The following POU6F1 variants were observed in gnomAD, a reference collection of about 807,000 sequenced individuals.
POU6F1 encodes the protein POU domain, class 6, transcription factor 1.
POU6F1 carries 9 observed loss-of-function variants against 28.9 expected under a neutral mutation model. The observed-to-expected ratio is 0.31, with a 90% CI of 0.19 to 0.54. The LOEUF is 0.54. POU6F1 is among the 20% of genes least tolerant of loss of function. POU6F1 has a pLI of 0.94. For missense variants in POU6F1, 338 were observed against 426.1 expected, an observed-to-expected ratio of 0.79 and a Z score of 1.82; for synonymous variants, 173 against 171.1, an observed-to-expected ratio of 1.01 and a Z score of -0.09.
chr12:51,193,221 A>G (rs1424926591), intron 8 of POU6F1, among the ~76,000 whole-genome samples: 3 of 152,216 alleles, frequency 2.0e-5, no homozygotes, highest in Non-Finnish European at 4.4e-5. Context: ...CTCTCTACCA[A>G]GACAGACTGT....
chr12:51,207,408 G>A (rs1943702466), intron 1 of POU6F1: 2 of 152,186 alleles, frequency 1.3e-5, no homozygotes, highest in South Asian at 4.1e-4. Context: ...GGCTTAGGGT[G>A]AGGAGAGTAA....
intron 1 of POU6F1, among the ~76,000 whole-genome samples, chr12:51,208,952 C>T (rs1245894275): frequency 6.6e-6 from 1 of 152,052 alleles, no homozygotes; most frequent in African/African-American, 2.4e-5. Context: ...ATACTTTCAC[C>T]CTTTCGACTA....
chr12:51,206,423 AAAACAAAC>A (rs535303663), intron 2 of POU6F1, among the ~76,000 whole-genome samples: 30 of 151,386 alleles, frequency 2.0e-4, no homozygotes, highest in South Asian at 1.3e-3. Context: ...ACTCCATCTC[AAAACAAAC>A]AAACAAACAA....
In POU6F1 at chr12:51,189,857, T is replaced by C. The variant is rs1769241915; in HGVS notation, c.*390A>G. On this transcript the variant is annotated 3_prime_UTR_variant, in exon 11 of 11. Coordinates refer to ENST00000333640, the MANE Select transcript of POU6F1 (RefSeq NM_001330422.2). ...AGGAGAAGACAAGGTGGAAAGAGAA[T>C]GCCATCAAAAGCAAGAGCTAATGGC... 4.5e-6 allele frequency: 1 copy of C among 221,594 alleles called. No homozygotes were observed. Among genetic ancestry groups the C allele is most frequent in the African/African-American group, 2.2e-5 (1 of 44,500 alleles). The allele number at this position is 221,594 out of a possible 1,614,324, so 13.7% of individuals were successfully genotyped here. A position where few individuals can be genotyped will look rare whatever the true frequency, so the allele number is the denominator to read the frequency against.
chr12:51,203,233 T>C (rs1943346343), intron 3 of POU6F1, among the ~76,000 whole-genome samples: 1 of 152,150 alleles, frequency 6.6e-6, no homozygotes, highest in Non-Finnish European at 1.5e-5. Context: ...AAATGAGATA[T>C]GAAGATGGAT....
intron 3 of POU6F1, among the ~76,000 whole-genome samples, chr12:51,203,618 G>C (rs1039602569): frequency 2.6e-5 from 4 of 152,184 alleles, no homozygotes; most frequent in African/African-American, 7.2e-5. Context: ...TTGCTTTTCG[G>C]AAGTTTGCGT....
chr12:51,200,838 C>G (rs1375622332), intron 3 of POU6F1, among the ~76,000 whole-genome samples: 1 of 152,108 alleles, frequency 6.6e-6, no homozygotes, highest in African/African-American at 2.4e-5. Flanking sequence ...CAGGCGCATA[C>G]CACCACGCCT....
rs1405594727 is a variant in POU6F1 at position 51,217,900 on chromosome 12, G to A, written c.-306C>T. 6.6e-6 allele frequency among the ~76,000 whole-genome samples: 1 copy of A among 151,996 alleles called. No individual in the cohort carries two copies. Among genetic ancestry groups the A allele is most frequent in the East Asian group, 1.9e-4 (1 of 5,142 alleles). Reference sequence around the variant, plus strand: ...CGCAGGCTAAGCCGGGCGGAGAGGGGACGGCCGGGAAGCGGGAAGGGGAAG... The same window carrying A: ...CGCAGGCTAAGCCGGGCGGAGAGGGAACGGCCGGGAAGCGGGAAGGGGAAG... On this transcript the variant is annotated 5_prime_UTR_variant, in exon 1 of 11. Coordinates refer to ENST00000333640, the MANE Select transcript of POU6F1 (RefSeq NM_001330422.2). This position sits in a 1 kb window ranked among gnomAD's most constrained non-coding sequence, Gnocchi z 5.3.
chr12:51,190,012 C>T lies in POU6F1; in HGVS notation c.*235G>A, dbSNP rs146938447. 393 of 666,478 alleles carry T rather than the reference C, an allele frequency of 5.9e-4. 1 individual carries two copies. Among genetic ancestry groups the T allele is most frequent in the African/African-American group, 5.6e-3 (309 of 55,214 alleles). The allele number at this position is 666,478 out of a possible 1,614,324, so 41.3% of individuals were successfully genotyped here. A position where few individuals can be genotyped will look rare whatever the true frequency, so the allele number is the denominator to read the frequency against. On this transcript the variant is annotated 3_prime_UTR_variant, in exon 11 of 11. Transcript: ENST00000333640. This position sits in a 1 kb window ranked among gnomAD's most constrained non-coding sequence, Gnocchi z 4.5. ...AAGTGACGTCACAAATCCTCTTCTT[C>T]GGAGTGACCAGCCCAGAGCCTGGAG...
rs1942406716 is a variant in POU6F1, at chr12:51,191,517, G to T, written c.1490+79C>A. Reference sequence around the variant, plus strand: ...AAGGGGGCATATGGAAAAGGGGCCGGTGCTCAGGTTCCCATGAGTGCCCGG... The same window carrying T: ...AAGGGGGCATATGGAAAAGGGGCCGTTGCTCAGGTTCCCATGAGTGCCCGG... On this transcript the variant is annotated intron_variant, in intron 10 of 10. Coordinates refer to ENST00000333640, the MANE Select transcript of POU6F1 (RefSeq NM_001330422.2). 8 of 1,507,940 alleles carry T rather than the reference G, an allele frequency of 5.3e-6. No individual in the cohort carries two copies. The South Asian group carries it at 9.8e-5, about 18-fold the overall frequency. The allele number at this position is 1,507,940 out of a possible 1,614,324, so 93.4% of individuals were successfully genotyped here.
At position 51,199,986 on chromosome 12, in the gene POU6F1, G is replaced by A. The variant is rs1050838507; in HGVS notation, c.245-118C>T. 1.3e-5 allele frequency: 5 copies of A among 398,406 alleles called. No individual in the cohort carries two copies. Among genetic ancestry groups the A allele is most frequent in the African/African-American group, 4.1e-5 (2 of 48,632 alleles). The allele number at this position is 398,406 out of a possible 1,614,324, so 24.7% of individuals were successfully genotyped here. ...CTGAAGCGGGGACCCTCAGCCCCATGCTGCATTGCTACATAGCCCAAGACC... is the reference window on the plus strand; with the variant it reads ...CTGAAGCGGGGACCCTCAGCCCCATACTGCATTGCTACATAGCCCAAGACC... On this transcript the variant is annotated intron_variant, in intron 3 of 10. Transcript: ENST00000333640. The surrounding 1 kb of genome is among the most constrained non-coding windows in gnomAD (Gnocchi z 4.1).
intron 1 of POU6F1, among the ~76,000 whole-genome samples, chr12:51,211,346 CCA>C (rs1943972273): frequency 6.6e-6 from 1 of 152,190 alleles, no homozygotes; most frequent in Non-Finnish European, 1.5e-5. Context: ...CCTTCTTTCT[CCA>C]GTGAGTTGAC....
At chr12:51,198,305 G>T (rs568654260) in intron 5 of POU6F1, 3 of 396,820 alleles carry the variant, frequency 7.6e-6, no homozygotes, top group Admixed American at 4.4e-5. Flanking sequence ...GGCGTGGGGG[G>T]AGAGGGGCAG....
Position 51,190,603 on chromosome 12 carries a change from C to A in POU6F1, c.1491-11G>T, listed in dbSNP as rs766337086. 1 of 1,609,886 alleles carries A rather than the reference C, an allele frequency of 6.2e-7. No homozygotes were observed. Among genetic ancestry groups the A allele is most frequent in the Non-Finnish European group, 8.5e-7 (1 of 1,177,308 alleles). ...TCTAGCTTCTCGAACCTGTGGGCAA[C>A]CCATACCCAGGAAGAGGCAGTGAGA... On this transcript the variant is annotated splice_polypyrimidine_tract_variant and intron_variant, in intron 10 of 10. Transcript: ENST00000333640. The surrounding 1 kb of genome is among the most constrained non-coding windows in gnomAD (Gnocchi z 4.5).
At chr12:51,204,521 C>G (rs562456445) in intron 2 of POU6F1, among the ~76,000 whole-genome samples, 153 bp from the exon 3 acceptor site, 2 of 152,240 alleles carry the variant, frequency 1.3e-5, no homozygotes, top group South Asian at 4.2e-4. Flanking sequence ...ATTCCAGAGC[C>G]TGGCGCAGGT....
chr12:51,194,042 T>G (rs1157783230), intron 8 of POU6F1, among the ~76,000 whole-genome samples: 3 of 152,120 alleles, frequency 2.0e-5, no homozygotes, highest in Non-Finnish European at 4.4e-5. Context: ...GATTTTTTTT[T>G]TTGAGACGGA....
intron 5 of POU6F1, chr12:51,198,231 T>A (rs1942969425): frequency 1.8e-5 from 7 of 396,202 alleles, no homozygotes; most frequent in Non-Finnish European, 4.4e-6. Context: ...ATGTGTAGGT[T>A]CAAGAACCAG....
chr12:51,194,483 A>G (rs1375264950), intron 8 of POU6F1, among the ~76,000 whole-genome samples: 1 of 152,026 alleles, frequency 6.6e-6, no homozygotes, highest in Non-Finnish European at 1.5e-5. Context: ...TCTACAAAAC[A>G]TACAAAAATT....
intron 8 of POU6F1, 30 bp downstream of exon 8, chr12:51,195,940 C>CG: frequency 2.4e-6 from 1 of 418,042 alleles, no homozygotes; most frequent in Non-Finnish European, 4.6e-6. Context: ...CAGAGCCTGC[C>CG]CCACCCCCCA....
Sources: allele counts gnomAD v4.1 joint callset (sites outside exome capture counted in the v4.1 genomes callset), GRCh38; gene constraint gnomAD v4.1.1; non-coding constraint Gnocchi (gnomAD v3.1); transcripts MANE v1.5; gene names NCBI Gene and HGNC (gene_info 2026-07-23, HGNC 2026-07-21).